Variants in PTPRA observed in about 807,000 individuals in gnomAD.
PTPRA encodes receptor-type tyrosine-protein phosphatase alpha.
PTPRA carries 25 observed loss-of-function variants against 104.8 expected under a neutral mutation model. The observed-to-expected ratio is 0.24, with a 90% CI of 0.17 to 0.33. PTPRA has a LOEUF of 0.33. Ranked by LOEUF, PTPRA falls within the 10% of genes least tolerant of loss-of-function variation. The probability of loss-of-function intolerance (pLI) is 1.00; values close to 1 mark genes in which losing one functional copy is unlikely to be tolerated. For synonymous variants in PTPRA, 323 were observed against 368.9 expected (o/e 0.88, Z 1.43); for missense variants, 765 against 1,015.3 (o/e 0.75, Z 3.35).
At chr20:3,031,159 C>A (rs536864964) in intron 20 of PTPRA, among the ~76,000 whole-genome samples, 2 of 152,098 alleles carry the variant, frequency 1.3e-5, no homozygotes, top group Non-Finnish European at 2.9e-5. Flanking sequence ...CATAGTGAAA[C>A]CTGATAGCAT....
chr20:2,915,369 G>A (rs2059863265), intron 1 of PTPRA, among the ~76,000 whole-genome samples: 1 of 152,052 alleles, frequency 6.6e-6, no homozygotes, highest in Non-Finnish European at 1.5e-5. Flanking sequence ...GCTATCTTTT[G>A]AAAATCTTTT....
intron 6 of PTPRA, among the ~76,000 whole-genome samples, chr20:2,980,835 G>A (rs904212393): frequency 1.3e-5 from 2 of 152,116 alleles, no homozygotes; most frequent in African/African-American, 4.8e-5. Flanking sequence ...CTATGCCCTG[G>A]ACCATTGAGT....
chr20:2,944,135 G>C (rs6115733), intron 2 of PTPRA, among the ~76,000 whole-genome samples: 1 of 150,890 alleles, frequency 6.6e-6, no homozygotes, highest in Non-Finnish European at 1.5e-5. Context: ...CCGCCTCCCA[G>C]GCTCAAGCAA....
rs1179657091 is a variant in PTPRA, at chr20:2,916,962, T to TC, written c.-128-6245_-128-6244insC. On this transcript the variant is annotated intron_variant, in intron 1 of 23. Transcript: ENST00000399903. ...TTTAGGATCAGTTTTTTTATTTCTT[T>TC]TTTTTTTTTTTTTGAGACAGAGTCT... Among the ~76,000 whole-genome samples, 14 of 148,042 alleles carry TC rather than the reference T, an allele frequency of 9.5e-5. No individual in the cohort carries two copies. The South Asian group carries it at 3.0e-3, about 32-fold the overall frequency.
At chr20:3,001,258 A>G (rs1206689624) in intron 9 of PTPRA, among the ~76,000 whole-genome samples, 1 of 152,192 alleles carries the variant, frequency 6.6e-6, no homozygotes, top group African/African-American at 2.4e-5. Flanking sequence ...CTTTGCATCT[A>G]GCGCTGTGTT....
At chr20:2,988,140 C>T in intron 8 of PTPRA, 35 bp downstream of exon 8, 1 of 1,540,998 alleles carries the variant, frequency 6.5e-7, no homozygotes, top group Middle Eastern at 1.7e-4. Flanking sequence ...GGAACCTTCA[C>T]AAGGAAGGAA....
Position 2,950,203 on chromosome 20 carries a change from C to G in PTPRA, c.-7+2179C>G, listed in dbSNP as rs1288256881. Among the ~76,000 whole-genome samples the G allele has an allele frequency of 6.6e-6, 1 of 152,040 alleles. No homozygotes were observed. Among genetic ancestry groups the G allele is most frequent in the African/African-American group, 2.4e-5 (1 of 41,410 alleles). On this transcript the variant is annotated intron_variant, in intron 3 of 23. Coordinates refer to ENST00000399903, the MANE Select transcript of PTPRA (RefSeq NM_001385305.1). This position sits in a 1 kb window ranked among gnomAD's most constrained non-coding sequence, Gnocchi z 4.0. The stretch of plus-strand genomic sequence containing the variant: ...CAACCTCTTTAATTGTAAGAATATT[C>G]AGGTCTTTTGTTCTTCCTGGGCTAG...
chr20:3,003,128 A>T (rs1224038239), intron 9 of PTPRA, among the ~76,000 whole-genome samples: 2 of 152,108 alleles, frequency 1.3e-5, no homozygotes, highest in African/African-American at 4.8e-5. Flanking sequence ...CATGGTATAT[A>T]ATTATATATG....
intron 2 of PTPRA, among the ~76,000 whole-genome samples, chr20:2,927,644 T>C (rs1426962822): frequency 1.3e-5 from 2 of 152,212 alleles, no homozygotes; most frequent in East Asian, 3.8e-4. Flanking sequence ...GGTTTTTCTT[T>C]GACGGGGGTG....
chr20:3,029,699 G>A (rs1372253168), intron 20 of PTPRA, among the ~76,000 whole-genome samples: 1 of 151,700 alleles, frequency 6.6e-6, no homozygotes, highest in African/African-American at 2.4e-5. Flanking sequence ...ATCATGCCTG[G>A]CTAATTTTTG....
At chr20:3,018,193 A>C (rs1344748855) in intron 13 of PTPRA, among the ~76,000 whole-genome samples, 1 of 152,176 alleles carries the variant, frequency 6.6e-6, no homozygotes, top group African/African-American at 2.4e-5. Context: ...AGGAAAAGCC[A>C]CAGAGGGGTT....
intron 2 of PTPRA, among the ~76,000 whole-genome samples, chr20:2,929,126 A>G (rs925121498): frequency 6.6e-6 from 1 of 150,664 alleles, no homozygotes; most frequent in South Asian, 2.1e-4. Flanking sequence ...TAATTTTTGT[A>G]TTTTTTAGTA....
Position 2,883,406 on chromosome 20 carries a change from A to T in PTPRA, c.-129+9646A>T, listed in dbSNP as rs1398020207. 1.3e-4 allele frequency among the ~76,000 whole-genome samples: 3 copies of T among 22,912 alleles called. 1 individual carries two copies. Among genetic ancestry groups the T allele is most frequent in the Non-Finnish European group, 1.8e-4 (3 of 16,254 alleles). The allele number at this position is 22,912 out of a possible 152,430, so 15.0% of individuals were successfully genotyped here. A position where few individuals can be genotyped will look rare whatever the true frequency, so the allele number is the denominator to read the frequency against. ...GGTGGCTCACGCCTGTAATCCCAGC[A>T]CTTTGGGAGGCCGAGGCGGGCGGAT... On this transcript the variant is annotated intron_variant, in intron 1 of 23. Coordinates refer to ENST00000399903, the MANE Select transcript of PTPRA (RefSeq NM_001385305.1).
chr20:2,996,670 T>C (rs1186609774), intron 9 of PTPRA, among the ~76,000 whole-genome samples: 4 of 152,062 alleles, frequency 2.6e-5, no homozygotes, highest in Admixed American at 2.6e-4. Flanking sequence ...GTCAAGAAAC[T>C]GGCAATTTAC....
intron 7 of PTPRA, 154 bp downstream of exon 7, chr20:2,987,003 A>C (rs2062937547): frequency 1.4e-6 from 1 of 715,386 alleles, no homozygotes; most frequent in Non-Finnish European, 2.4e-6. Context: ...AGTTCTACTT[A>C]GAAATTATTT....
At chr20:2,958,144 TAGAG>T (rs1415269123) in intron 3 of PTPRA, among the ~76,000 whole-genome samples, 2 of 151,898 alleles carry the variant, frequency 1.3e-5, no homozygotes, top group East Asian at 1.9e-4. Context: ...TGAAAAGAAT[TAGAG>T]AGGGGTTCAA....
chr20:2,880,915 A>G (rs534141879), intron 1 of PTPRA, among the ~76,000 whole-genome samples: 3 of 152,142 alleles, frequency 2.0e-5, no homozygotes, highest in Admixed American at 6.5e-5. Context: ...AGGCTGAGGC[A>G]GAGGATTGCT....
chr20:2,989,672 A>G (rs1398352417), intron 9 of PTPRA, among the ~76,000 whole-genome samples: 1 of 152,150 alleles, frequency 6.6e-6, no homozygotes, highest in Non-Finnish European at 1.5e-5. Flanking sequence ...CAGACCTTGC[A>G]GATAGTCATG....
intron 2 of PTPRA, among the ~76,000 whole-genome samples, chr20:2,928,499 G>A (rs1250485783): frequency 2.0e-5 from 3 of 152,114 alleles, no homozygotes; most frequent in African/African-American, 7.2e-5. Context: ...TCAAAACTTT[G>A]AAGTCATTGC....
Sources: allele counts gnomAD v4.1 joint callset (sites outside exome capture counted in the v4.1 genomes callset), GRCh38; gene constraint gnomAD v4.1.1; non-coding constraint Gnocchi (gnomAD v3.1); transcripts MANE v1.5; gene names NCBI Gene and HGNC (gene_info 2026-07-23, HGNC 2026-07-21).